SNCG: variants seen among roughly 807,000 people sequenced by gnomAD.
The protein encoded by SNCG is synuclein gamma, also known as gamma-synuclein.
A neutral mutation model predicts 16.0 loss-of-function variants in SNCG; 13 were observed. The observed-to-expected ratio is 0.81, with a 90% CI of 0.53 to 1.29. The LOEUF (loss-of-function observed/expected upper bound fraction) is 1.29, where lower values mean the gene tolerates loss of function less well. Among genes scored for constraint, SNCG ranks in the 50% most tolerant of loss-of-function variants. SNCG has a pLI of 0.00. For missense variants in SNCG, 154 were observed against 168.5 expected (o/e 0.91, Z 0.48); for synonymous variants, 66 against 66.3 (o/e 1.00, Z 0.02).
intron 4 of SNCG, 117 bp from the exon 5 acceptor site, chr10:86,962,848 C>T: frequency 2.4e-6 from 3 of 1,265,148 alleles, no homozygotes; most frequent in Non-Finnish European, 2.2e-6. Flanking sequence ...GTGGGAGGTC[C>T]CCCCACGGAT....
At position 86,959,614 on chromosome 10, in the gene SNCG, A is replaced by G. The variant is rs1844304491; in HGVS notation, c.122-19A>G. On this transcript the variant is annotated intron_variant, in intron 1 of 4. Transcript: ENST00000372017. This position sits in a 1 kb window ranked among gnomAD's most constrained non-coding sequence, Gnocchi z 4.3. ...CACCTCGAGGGAGGTCTGGGCTGAC[A>G]GCTCCATTTCCTCCCCAGGAGCCAA... is the stretch of plus-strand genomic sequence containing the variant. The G allele has an allele frequency of 1.2e-6, 2 of 1,612,982 alleles. No individual in the cohort carries two copies. Among genetic ancestry groups the G allele is most frequent in the African/African-American group, 2.7e-5 (2 of 74,782 alleles).
At chr10:86,958,993 A>G (rs1844288241) in intron 1 of SNCG, among the ~76,000 whole-genome samples, 175 bp downstream of exon 1, 1 of 152,144 alleles carries the variant, frequency 6.6e-6, no homozygotes, top group Non-Finnish European at 1.5e-5. Context: ...GTGCACACCT[A>G]TGTGTGTTTG....
Position 86,958,708 on chromosome 10 carries a change from T to C in SNCG, c.11T>C (p.Phe4Ser). Residue 4 changes from phenylalanine to serine, a missense_variant, in exon 1 of 5, where the codon TTC (phenylalanine) becomes TCC (serine). By Grantham distance (155) the Phe-to-Ser change is radical. Coordinates refer to ENST00000372017, the MANE Select transcript of SNCG (RefSeq NM_003087.3). MDV[F>S]KKGFSIAKEG... ...CCCTGCACACCCACCATGGATGTCT[T>C]CAAGAAGGGCTTCTCCATCGCCAAG... 1 of 1,614,014 alleles carries C rather than the reference T, an allele frequency of 6.2e-7. No individual in the cohort carries two copies. Among genetic ancestry groups the C allele is most frequent in the Non-Finnish European group, 8.5e-7 (1 of 1,179,968 alleles).
At position 86,959,828 on chromosome 10, in the gene SNCG, G is replaced by C; in HGVS notation, c.163+154G>C. 7.9e-7 allele frequency: 1 copy of C among 1,265,052 alleles called. No homozygotes were observed. Among genetic ancestry groups the C allele is most frequent in the Non-Finnish European group, 1.1e-6 (1 of 924,126 alleles). The allele number at this position is 1,265,052 out of a possible 1,614,324, so 78.4% of individuals were successfully genotyped here. On this transcript the variant is annotated intron_variant, in intron 2 of 4. Transcript: ENST00000372017. This position sits in a 1 kb window ranked among gnomAD's most constrained non-coding sequence, Gnocchi z 4.3. ...GCAGACCATGAGGCTAAACTAGGGTGGGCGTCTCCTTACCCCCACCAGCAT... is the reference window on the plus strand; with the variant it reads ...GCAGACCATGAGGCTAAACTAGGGTCGGCGTCTCCTTACCCCCACCAGCAT...
At chr10:86,958,485 G>A (rs1844274259), upstream of SNCG, 6 of 1,393,790 alleles carry the variant, frequency 4.3e-6, no homozygotes, top group Non-Finnish European at 5.6e-6. Context: ...GGAAGGTGAG[G>A]CTGAACCTCC....
chr10:86,958,638 C>T lies in SNCG; in HGVS notation c.-60C>T. ...CAGCACTCGAGCCAGCTCAAGCCCG[C>T]AGCTCGCAGGGAGATCCAGCTCCGT... On this transcript the variant is annotated 5_prime_UTR_variant, in exon 1 of 5. Transcript: ENST00000372017. 6.2e-7 allele frequency: 1 copy of T among 1,609,120 alleles called. No homozygotes were observed. The highest frequency in any genetic ancestry group is 1.1e-5 in the South Asian group (1 of 90,548).
chr10:86,963,051 G>C lies in SNCG; in HGVS notation c.*66G>C, dbSNP rs1284311801. The C allele has an allele frequency of 2.7e-6, 4 of 1,508,452 alleles. No individual in the cohort carries two copies. In the African/African-American group the frequency reaches 5.5e-5, roughly 21 times the overall value. 93.4% of individuals were successfully genotyped at this position (1,508,452 alleles called of 1,614,324 possible). A position where few individuals can be genotyped will look rare whatever the true frequency, so the allele number is the denominator to read the frequency against. On this transcript the variant is annotated 3_prime_UTR_variant, in exon 5 of 5. Transcript: ENST00000372017. Reference sequence around the variant, plus strand: ...CTGCCTTGGACACCATCCCCTCCTAGCACAAGGAGTGCCCGCCTTGAGTGA... The same window carrying C: ...CTGCCTTGGACACCATCCCCTCCTACCACAAGGAGTGCCCGCCTTGAGTGA...
chr10:86,958,436 GGAGC>G, upstream of SNCG: 5 of 985,424 alleles, frequency 5.1e-6, no homozygotes, highest in Non-Finnish European at 6.0e-6. Context: ...TGAGCCAGCA[GGAGC>G]CCAGGGAGCC....
chr10:86,957,640 A>C (rs912912608), upstream of SNCG: 7 of 1,450,884 alleles, frequency 4.8e-6, no homozygotes, highest in African/African-American at 9.9e-5. Flanking sequence ...GGAGGAAAAG[A>C]AAATACGAGG....
chr10:86,962,973 T>TG lies in SNCG; in HGVS notation c.377dup (p.Asp127ArgfsTer12). The TG allele has an allele frequency of 6.2e-7, 1 of 1,603,294 alleles. No homozygotes were observed. The highest frequency in any genetic ancestry group is 8.5e-7 in the Non-Finnish European group (1 of 1,175,984). Reference sequence around the variant, plus strand: ...GTCATTCTCTCTCCCAGGCCCAGAGTGGGGGAGACTAGAGGGCTACAGGCC... The same window carrying TG: ...GTCATTCTCTCTCCCAGGCCCAGAGTGGGGGGAGACTAGAGGGCTACAGGCC... On this transcript the variant is annotated frameshift_variant, in exon 5 of 5. Coordinates refer to ENST00000372017, the MANE Select transcript of SNCG (RefSeq NM_003087.3). LOFTEE classifies it high-confidence loss of function.
At chr10:86,955,839 T>G (rs576578973), upstream of SNCG, among the ~76,000 whole-genome samples, 33 of 152,236 alleles carry the variant, frequency 2.2e-4, no homozygotes, top group African/African-American at 7.7e-4. Flanking sequence ...TTGGGACACC[T>G]GGGCATTCCT....
Position 86,960,039 on chromosome 10 carries a change from G to C in SNCG, c.202G>C (p.Glu68Gln), listed in dbSNP as rs1206267629. 6.2e-7 allele frequency: 1 copy of C among 1,611,734 alleles called. No individual in the cohort carries two copies. Among genetic ancestry groups the C allele is most frequent in the Non-Finnish European group, 8.5e-7 (1 of 1,179,376 alleles). ...KTKEQANAVS[E>Q]AVVSSVNTVA... Reference sequence around the variant, plus strand: ...CAAGGAGCAGGCCAACGCCGTGAGCGAGGCTGTGGTGAGCAGCGTCAACAC... The same window carrying C: ...CAAGGAGCAGGCCAACGCCGTGAGCCAGGCTGTGGTGAGCAGCGTCAACAC... Residue 68 changes from glutamate to glutamine, a missense_variant, in exon 3 of 5, where the codon GAG becomes CAG. Glu to Gln is a conservative substitution (Grantham distance 29). Coordinates refer to ENST00000372017, the MANE Select transcript of SNCG (RefSeq NM_003087.3).
upstream of SNCG, chr10:86,958,565 C>G (rs1190843231): frequency 1.5e-6 from 2 of 1,297,200 alleles, no homozygotes; most frequent in Non-Finnish European, 2.0e-6. Context: ...GCCTCCGCAT[C>G]AATATTTCAT....
At chr10:86,961,974 C>T (rs775553576) in intron 3 of SNCG, among the ~76,000 whole-genome samples, 1 of 152,214 alleles carries the variant, frequency 6.6e-6, no homozygotes, top group Admixed American at 6.5e-5. Context: ...AGTGTCTGGC[C>T]GGCATGGAGT....
At position 86,959,410 on chromosome 10, in the gene SNCG, C is replaced by T. The variant is rs967232664; in HGVS notation, c.122-223C>T. The T allele has an allele frequency of 1.0e-5, 6 of 597,044 alleles. No individual in the cohort carries two copies. Among genetic ancestry groups the T allele is most frequent in the Non-Finnish European group, 1.8e-5 (6 of 335,930 alleles). 37.0% of individuals were successfully genotyped at this position (597,044 alleles called of 1,614,324 possible). A position where few individuals can be genotyped will look rare whatever the true frequency, so the allele number is the denominator to read the frequency against. On this transcript the variant is annotated intron_variant, in intron 1 of 4. Transcript: ENST00000372017. The surrounding 1 kb of genome is among the most constrained non-coding windows in gnomAD (Gnocchi z 4.3). Reference sequence around the variant, plus strand: ...GTCTAGCCAGTGTCCCTACCTCAGGCCTGCTCTCTCTTGTCCCCCACATTC... The same window carrying T: ...GTCTAGCCAGTGTCCCTACCTCAGGTCTGCTCTCTCTTGTCCCCCACATTC...
At chr10:86,956,526 G>A (rs1156481669), upstream of SNCG, among the ~76,000 whole-genome samples, 12 of 152,228 alleles carry the variant, frequency 7.9e-5, no homozygotes, top group Non-Finnish European at 1.6e-4. Context: ...AGCATCTGGG[G>A]GCTGGGGCTG....
At chr10:86,962,807 G>A in intron 4 of SNCG, 132 bp downstream of exon 4, 1 of 1,130,014 alleles carries the variant, frequency 8.8e-7, no homozygotes, top group Non-Finnish European at 1.3e-6. Context: ...GCCCCTACAG[G>A]GACTGTGTAC....
rs533572734 is a variant in SNCG at position 86,959,261 on chromosome 10, G to A, written c.122-372G>A. 3.9e-5 allele frequency: 15 copies of A among 384,138 alleles called. No individual in the cohort carries two copies. In the East Asian group the frequency reaches 4.7e-4, roughly 12 times the overall value. 23.8% of individuals were successfully genotyped at this position (384,138 alleles called of 1,614,324 possible). On this transcript the variant is annotated intron_variant, in intron 1 of 4. Transcript: ENST00000372017. The surrounding 1 kb of genome is among the most constrained non-coding windows in gnomAD (Gnocchi z 4.3). ...ACCTAGGCTCAGTGTTCCCTCCCCC[G>A]CATCCTCTCCTGGCACTCTCCAGAG... is the stretch of plus-strand genomic sequence containing the variant.
rs151112513 is a variant in SNCG at position 86,960,017 on chromosome 10, G to A, written c.180G>A (p.Lys60=). 16 of 1,604,496 alleles carry A rather than the reference G, an allele frequency of 1.0e-5. No individual in the cohort carries two copies. Among genetic ancestry groups the A allele is most frequent in the East Asian group, 2.2e-5 (1 of 44,540 alleles). Residue 60 remains lysine (K), a synonymous_variant, in exon 3 of 5, where the codon AAG becomes AAA. Transcript: ENST00000372017. ...CTCCCATAGTGGCCGAGAAGACCAA[G>A]GAGCAGGCCAACGCCGTGAGCGAGG... The part of the protein sequence containing the change: ...QSVTSVAEKT[K]EQANAVSEAV...
Sources: gnomAD v4.1 joint callset for allele counts (sites outside exome capture counted in the v4.1 genomes callset) on GRCh38, gnomAD v4.1.1 for gene constraint, Gnocchi (gnomAD v3.1) non-coding constraint, MANE v1.5 for transcripts, NCBI Gene and HGNC (gene_info 2026-07-23, HGNC 2026-07-21) for gene names.